CDKL5: variants seen among roughly 807,000 people sequenced by gnomAD.
CDKL5 encodes the protein cyclin-dependent kinase-like 5.
Under a neutral mutation model 61.7 loss-of-function variants are expected in CDKL5, and 8 were observed. That is an observed-to-expected ratio of 0.13 (90% CI 0.08 to 0.23). The LOEUF (loss-of-function observed/expected upper bound fraction) is 0.23, where lower values mean the gene tolerates loss of function less well. Ranked by LOEUF, CDKL5 falls within the 10% of genes least tolerant of loss-of-function variation. The probability of loss-of-function intolerance (pLI) is 1.00; values close to 1 mark genes in which losing one functional copy is unlikely to be tolerated. For missense variants in CDKL5, 440 were observed against 734.5 expected, an observed-to-expected ratio of 0.60 and a Z score of 4.63; for synonymous variants, 275 against 272.3, an observed-to-expected ratio of 1.01 and a Z score of -0.10.
chrX:18,511,118 G>A (rs906141160), intron 3 of CDKL5, among the ~76,000 whole-genome samples: 2 of 111,577 alleles, frequency 1.8e-5, no homozygotes, highest in African/African-American at 6.5e-5. Flanking sequence ...GTAATTTTAT[G>A]CAATATTTTA....
chrX:18,547,089 T>A (rs1173946864), intron 3 of CDKL5, among the ~76,000 whole-genome samples: 2 of 112,392 alleles, frequency 1.8e-5, no homozygotes, highest in African/African-American at 6.5e-5. Flanking sequence ...CCCTCCAGAA[T>A]GTAACTTCTT....
chrX:18,465,386 C>G (rs947075561), intron 1 of CDKL5, among the ~76,000 whole-genome samples: 1 of 111,699 alleles, frequency 9.0e-6, no homozygotes, highest in African/African-American at 3.3e-5. Flanking sequence ...AATCTTCTGC[C>G]GGGCATGGTG....
At chrX:18,599,193 A>G (rs1926103704) in intron 11 of CDKL5, among the ~76,000 whole-genome samples, 1 of 112,438 alleles carries the variant, frequency 8.9e-6, no homozygotes, top group African/African-American at 3.2e-5. Flanking sequence ...TTTTCAGCAT[A>G]ATTTTTTCAA....
rs538776996 is a variant in CDKL5, at chrX:18,474,484, C to T, written c.-162-32451C>T. Among the ~76,000 whole-genome samples, 8 of 112,008 alleles carry T rather than the reference C, an allele frequency of 7.1e-5. No homozygotes were observed. The South Asian group carries it at 1.9e-3, about 26-fold the overall frequency. ...AATCCTTTCTGATATAGAAGTTTAT[C>T]ACTTGTGGTATGACTGTTCTCCTTA... is the stretch of plus-strand genomic sequence containing the variant. On this transcript the variant is annotated intron_variant, in intron 1 of 17. Coordinates refer to ENST00000623535, the MANE Select transcript of CDKL5 (RefSeq NM_001323289.2).
At chrX:18,515,038 A>T (rs899619171) in intron 3 of CDKL5, among the ~76,000 whole-genome samples, 7 of 111,946 alleles carry the variant, frequency 6.3e-5, no homozygotes, top group Non-Finnish European at 1.3e-4. Flanking sequence ...ACCTCAAGTG[A>T]TCTGCCTGCC....
chrX:18,546,757 C>A (rs1924212713), intron 3 of CDKL5, among the ~76,000 whole-genome samples: 1 of 111,509 alleles, frequency 9.0e-6, no homozygotes, highest in Non-Finnish European at 1.9e-5. Context: ...TCTTAATCAC[C>A]GTCTGGCTGG....
chrX:18,486,934 A>G (rs1297168954), intron 1 of CDKL5, among the ~76,000 whole-genome samples: 2 of 110,796 alleles, frequency 1.8e-5, no homozygotes, highest in East Asian at 5.6e-4. Context: ...CCACTTAGCT[A>G]CATCTTTCTC....
At chrX:18,560,082 T>G (rs369265977) in intron 3 of CDKL5, among the ~76,000 whole-genome samples, 7 of 109,846 alleles carry the variant, frequency 6.4e-5, no homozygotes, top group African/African-American at 1.0e-4. Flanking sequence ...TGAATAGTGC[T>G]GCAATAAACA....
chrX:18,436,529 G>T (rs570816712), intron 1 of CDKL5, among the ~76,000 whole-genome samples: 1 of 110,959 alleles, frequency 9.0e-6, no homozygotes, highest in African/African-American at 3.3e-5. Flanking sequence ...GGGGAAATAA[G>T]TTTTCCAGAC....
intron 1 of CDKL5, among the ~76,000 whole-genome samples, chrX:18,498,583 A>C (rs1922265571): frequency 9.0e-6 from 1 of 111,283 alleles, no homozygotes. Context: ...TTTCCTCCTT[A>C]AGCATTGTTT....
downstream of CDKL5, chrX:18,640,669 T>A (rs1450302839): frequency 8.9e-6 from 1 of 112,279 alleles, no homozygotes; most frequent in African/African-American, 3.2e-5. Flanking sequence ...AGCGCGAGTC[T>A]AGTCACTTGC....
chrX:18,543,684 A>G (rs1602251554), intron 3 of CDKL5, among the ~76,000 whole-genome samples: 1 of 112,280 alleles, frequency 8.9e-6, no homozygotes, highest in Admixed American at 9.4e-5. Flanking sequence ...AGGCACAGTG[A>G]TTGACCCTTG....
chrX:18,493,271 G>T (rs758373149), intron 1 of CDKL5, among the ~76,000 whole-genome samples: 1 of 112,160 alleles, frequency 8.9e-6, no homozygotes, highest in Admixed American at 9.4e-5. Context: ...TACTTACTGT[G>T]TGAGTCTTTG....
Position 18,638,026 on chromosome X carries a change from T to C in CDKL5, c.*9269T>C, listed in dbSNP as rs929760946. ...CTTGGGACCACAGGGGAAGCAACAG[T>C]CCTTGTAAGCTGTTTGTCAGTGGGC... On this transcript the variant is annotated 3_prime_UTR_variant, in exon 18 of 18. Transcript: ENST00000623535. 2.7e-5 allele frequency: 3 copies of C among 111,544 alleles called. No individual in the cohort carries two copies. The highest frequency in any genetic ancestry group is 9.8e-5 in the African/African-American group (3 of 30,690). The allele number at this position is 111,544 out of a possible 1,213,427, so 9.2% of individuals were successfully genotyped here.
intron 17 of CDKL5, 88 bp from the exon 18 acceptor site, chrX:18,628,283 A>G (rs1927129731): frequency 1.1e-6 from 1 of 943,998 alleles, no homozygotes; most frequent in African/African-American, 1.9e-5. Flanking sequence ...GGCCACACCC[A>G]GTCACCTCAC....
At chrX:18,510,990 A>G (rs1922806832) in intron 3 of CDKL5, 136 bp downstream of exon 3, 1 of 481,562 alleles carries the variant, frequency 2.1e-6, no homozygotes. Flanking sequence ...AATGTTTTGG[A>G]TTTTTTTGGA....
intron 1 of CDKL5, among the ~76,000 whole-genome samples, chrX:18,501,284 G>A (rs775285028): frequency 3.6e-5 from 4 of 110,774 alleles, no homozygotes; most frequent in African/African-American, 9.8e-5. Context: ...AGTGATTTTC[G>A]TGTCTCAGTC....
intron 1 of CDKL5, chrX:18,426,697 T>C (rs1008241459): frequency 8.0e-5 from 9 of 112,625 alleles, no homozygotes; most frequent in African/African-American, 2.6e-4. Context: ...TTTCTTTCTG[T>C]GCATCTGAAT....
In CDKL5 at chrX:18,635,667, G is replaced by A; in HGVS notation, c.*6910G>A. On this transcript the variant is annotated 3_prime_UTR_variant, in exon 18 of 18. Transcript: ENST00000623535. ...GAAAACTTTGGTTTGTTTTATACTT[G>A]AGTGTTGTCACCTTTGCACGTCGCT... 1.4e-6 allele frequency: 1 copy of A among 726,796 alleles called. No individual in the cohort carries two copies. Among genetic ancestry groups the A allele is most frequent in the East Asian group, 1.5e-4 (1 of 6,571 alleles). The allele number at this position is 726,796 out of a possible 1,213,427, so 59.9% of individuals were successfully genotyped here. A position where few individuals can be genotyped will look rare whatever the true frequency, so the allele number is the denominator to read the frequency against.
Sources: gnomAD v4.1 joint callset for allele counts (sites outside exome capture counted in the v4.1 genomes callset) on GRCh38, gnomAD v4.1.1 for gene constraint, MANE v1.5 for transcripts, NCBI Gene and HGNC (gene_info 2026-07-23, HGNC 2026-07-21) for gene names.